GFPT2: variants seen among roughly 807,000 people sequenced by gnomAD.
GFPT2 encodes glutamine--fructose-6-phosphate transaminase 2, also known as glutamine--fructose-6-phosphate aminotransferase [isomerizing] 2.
In GFPT2, 62 loss-of-function variants were observed where a neutral mutation model predicts 85.6. That is an observed-to-expected ratio of 0.72 (90% CI 0.59 to 0.90). The LOEUF (loss-of-function observed/expected upper bound fraction) is 0.90. GFPT2 is among the 40% of genes least tolerant of loss of function. GFPT2 has a pLI of 0.00. For synonymous variants in GFPT2, 368 were observed against 344.5 expected (o/e 1.07, Z -0.75); for missense variants, 788 against 893.4 (o/e 0.88, Z 1.50).
intron 3 of GFPT2, chr5:180,336,199 C>T: frequency 1.8e-6 from 1 of 571,410 alleles, no homozygotes; most frequent in South Asian, 2.3e-5. Flanking sequence ...ATGATATATC[C>T]CTACCATAAA....
intron 18 of GFPT2, among the ~76,000 whole-genome samples, chr5:180,301,828 T>G (rs926943691): frequency 3.9e-5 from 6 of 152,102 alleles, no homozygotes; most frequent in Admixed American, 6.6e-5. Flanking sequence ...ACCTGATGTG[T>G]GTCATGATCT....
At chr5:180,324,342 G>A (rs765488620) in intron 8 of GFPT2, 37 bp from the exon 9 acceptor site, 2 of 1,177,672 alleles carry the variant, frequency 1.7e-6, no homozygotes, top group East Asian at 2.4e-5. Flanking sequence ...ATCCCACTGG[G>A]ATGTTTTGTT....
At chr5:180,337,709 T>C (rs1003116181) in intron 2 of GFPT2, among the ~76,000 whole-genome samples, 42 of 152,200 alleles carry the variant, frequency 2.8e-4, no homozygotes, top group African/African-American at 9.9e-4. Flanking sequence ...GCATACTTAA[T>C]GTCTACAACT....
chr5:180,326,179 A>T (rs971521026), intron 7 of GFPT2, among the ~76,000 whole-genome samples: 1 of 152,350 alleles, frequency 6.6e-6, no homozygotes, highest in Admixed American at 6.5e-5. Context: ...CTCTGGTAAC[A>T]CATGCGCTCT....
At chr5:180,316,678 A>C in intron 12 of GFPT2, 86 bp downstream of exon 12, 1 of 1,024,362 alleles carries the variant, frequency 9.8e-7, no homozygotes, top group South Asian at 1.5e-5. Flanking sequence ...AGCCAAATTC[A>C]GAAGGCCACA....
At chr5:180,310,832 CAAAAAAAAAAAAAAAAA>C (rs3080055) in intron 15 of GFPT2, among the ~76,000 whole-genome samples, 1 of 50,582 alleles carries the variant, frequency 2.0e-5, no homozygotes, top group South Asian at 1.1e-3. Flanking sequence ...TGGACACAGG[CAAAAAAAAAAAAAAAAA>C]AAAAAAAAAA....
rs571771244 is a variant in GFPT2, at chr5:180,312,839, C to T, written c.1432-295G>A. 1.1e-4 allele frequency among the ~76,000 whole-genome samples: 17 copies of T among 152,148 alleles called. No homozygotes were observed. In the South Asian group the frequency reaches 1.5e-3, roughly 13 times the overall value. On this transcript the variant is annotated intron_variant, in intron 14 of 18. Coordinates refer to ENST00000253778, the MANE Select transcript of GFPT2 (RefSeq NM_005110.4). Reference sequence around the variant, plus strand: ...TCACCCAGGCTGGAGTGCAGTGGCTCGATCTCGGCTCACTGCAACCTCCAC... The same window carrying T: ...TCACCCAGGCTGGAGTGCAGTGGCTTGATCTCGGCTCACTGCAACCTCCAC...
intron 15 of GFPT2, among the ~76,000 whole-genome samples, chr5:180,311,376 C>G (rs1763877502): frequency 6.6e-6 from 1 of 152,216 alleles, no homozygotes; most frequent in Admixed American, 6.5e-5. Context: ...GGGCACGGCA[C>G]TGGTTCTTAA....
chr5:180,304,895 A>T lies in GFPT2; in HGVS notation c.1719T>A (p.Ala573=), dbSNP rs1339107752. 6.2e-7 allele frequency: 1 copy of T among 1,613,318 alleles called. No homozygotes were observed. Among genetic ancestry groups the T allele is most frequent in the African/African-American group, 1.3e-5 (1 of 74,912 alleles). The change falls in exon 17 of 19, where the codon GCT becomes GCA. Residue 573 remains alanine, a synonymous_variant. Transcript: ENST00000253778. Reference sequence around the variant, plus strand: ...CCAGGGGCCCGTGCTTCAGCTCCCCAGCCAGGATGCCTTCTGAGTGCATGT... The same window carrying T: ...CCAGGGGCCCGTGCTTCAGCTCCCCTGCCAGGATGCCTTCTGAGTGCATGT... ...ITYMHSEGIL[A]GELKHGPLAL... is the part of the protein sequence containing the mutation.
chr5:180,331,205 G>A lies in GFPT2; in HGVS notation c.399+290C>T, dbSNP rs573984295. 1.8e-3 allele frequency among the ~76,000 whole-genome samples: 269 copies of A among 152,326 alleles called. 1 individual carries two copies. Among genetic ancestry groups the A allele is most frequent in the Admixed American group, 3.1e-3 (47 of 15,310 alleles). ...TCCCAACTCCGCCGGTATACGAGTC[G>A]CTGTGTTATATAATGCAGACAGTTT... On this transcript the variant is annotated intron_variant, in intron 5 of 18. Coordinates refer to ENST00000253778, the MANE Select transcript of GFPT2 (RefSeq NM_005110.4).
chr5:180,348,669 CATT>C (rs1359549125), intron 1 of GFPT2, among the ~76,000 whole-genome samples: 1 of 152,136 alleles, frequency 6.6e-6, no homozygotes, highest in Non-Finnish European at 1.5e-5. Flanking sequence ...GTGACCTCAC[CATT>C]GGAATCCATG....
At chr5:180,304,655 G>A (rs1190540841) in intron 17 of GFPT2, 117 bp downstream of exon 17, 10 of 947,008 alleles carry the variant, frequency 1.1e-5, no homozygotes, top group Non-Finnish European at 1.3e-5. Flanking sequence ...GAGGGTGTGT[G>A]GTCACAGCCA....
chr5:180,304,014 T>C (rs6879260), intron 17 of GFPT2, among the ~76,000 whole-genome samples: 86,443 of 151,842 alleles, frequency 0.57, 25,289 homozygotes, highest in East Asian at 0.83. Context: ...CGACTGAGTT[T>C]GATCACATGG....
chr5:180,341,057 G>A (rs1299002331), intron 1 of GFPT2, among the ~76,000 whole-genome samples: 1 of 152,170 alleles, frequency 6.6e-6, no homozygotes, highest in Non-Finnish European at 1.5e-5. Context: ...CAGCCTCTGA[G>A]GCTAGTCCAT....
intron 4 of GFPT2, chr5:180,331,775 G>T: frequency 1.8e-6 from 1 of 546,524 alleles, no homozygotes; most frequent in Non-Finnish European, 3.3e-6. Flanking sequence ...TACTACAATG[G>T]GATCCGGAGG....
At chr5:180,353,090 G>C (rs1044383100) in intron 1 of GFPT2, 121 bp downstream of exon 1, 3 of 801,888 alleles carry the variant, frequency 3.7e-6, no homozygotes, top group Non-Finnish European at 5.0e-6. Flanking sequence ...GGGGCCCGGG[G>C]CAGATCGGCG....
At chr5:180,341,738 G>A (rs1019500065) in intron 1 of GFPT2, among the ~76,000 whole-genome samples, 3 of 152,168 alleles carry the variant, frequency 2.0e-5, no homozygotes, top group Admixed American at 2.0e-4. Context: ...GAGAGGAGCT[G>A]AATGTATGGG....
intron 1 of GFPT2, 83 bp downstream of exon 1, chr5:180,353,128 T>A: frequency 8.7e-7 from 1 of 1,154,024 alleles, no homozygotes; most frequent in East Asian, 3.3e-5. Flanking sequence ...GGCGCCTGCT[T>A]GCGGGCGGAG....
chr5:180,313,964 C>G lies in GFPT2; in HGVS notation c.1274G>C (p.Gly425Ala). Residue 425 changes from glycine (G) to alanine (A), a missense_variant and splice_region_variant, in exon 14 of 19, where the codon GGC (glycine) becomes GCC (alanine). Coordinates refer to ENST00000253778, the MANE Select transcript of GFPT2 (RefSeq NM_005110.4). Reference protein sequence around the residue: ...DDVCFFISQSGETADTLLALR... With the variant: ...DDVCFFISQSAETADTLLALR... ...CGCCAGGAGGGTGTCCGCGGTCTCG[C>G]CTGCCGCCCAGGGGCCCTCTCAGTG... is the stretch of plus-strand genomic sequence containing the variant. 2 of 1,593,856 alleles carry G rather than the reference C, an allele frequency of 1.3e-6. No individual in the cohort carries two copies. Among genetic ancestry groups the G allele is most frequent in the South Asian group, 2.2e-5 (2 of 89,772 alleles).
Sources: gnomAD v4.1 joint callset for allele counts (sites outside exome capture counted in the v4.1 genomes callset) on GRCh38, gnomAD v4.1.1 for gene constraint, MANE v1.5 for transcripts, NCBI Gene and HGNC (gene_info 2026-07-23, HGNC 2026-07-21) for gene names.